The following PASD1 variants were observed in gnomAD, a reference collection of about 807,000 sequenced individuals.
PASD1 encodes the protein circadian clock protein PASD1.
A neutral mutation model predicts 58.8 loss-of-function variants in PASD1; 13 were observed. That is an observed-to-expected ratio of 0.22 (90% confidence interval 0.14 to 0.35). The LOEUF (loss-of-function observed/expected upper bound fraction) is 0.35. PASD1 is among the 10% of genes least tolerant of loss of function. PASD1 has a pLI of 1.00. For missense variants in PASD1, 734 were observed against 568.3 expected (o/e 1.29, Z -2.96); for synonymous variants, 236 against 216.7 (o/e 1.09, Z -0.78).
chrX:151,593,788 T>C (rs948744949), intron 1 of PASD1, among the ~76,000 whole-genome samples: 2 of 111,275 alleles, frequency 1.8e-5, no homozygotes, highest in Non-Finnish European at 3.8e-5. Flanking sequence ...TCAAATGGTA[T>C]TTCTAGTTCT....
chrX:151,595,995 AG>A (rs2013318382), intron 1 of PASD1, among the ~76,000 whole-genome samples: 1 of 111,554 alleles, frequency 9.0e-6, no homozygotes, highest in African/African-American at 3.3e-5. Flanking sequence ...CAAAGATCAC[AG>A]GCATGTGCTA....
chrX:151,595,585 C>T (rs898699433), intron 1 of PASD1, among the ~76,000 whole-genome samples: 1 of 109,257 alleles, frequency 9.2e-6, no homozygotes, highest in African/African-American at 3.3e-5. Context: ...ATGTACCCGG[C>T]GTTGTGGCAG....
At chrX:151,574,129 T>C (rs2012966251) in intron 1 of PASD1, among the ~76,000 whole-genome samples, 1 of 112,361 alleles carries the variant, frequency 8.9e-6, no homozygotes, top group Admixed American at 9.4e-5. Context: ...GGGATCTTCC[T>C]TGAGGTCACA....
At chrX:151,638,115 T>G (rs2124287073) in intron 8 of PASD1, among the ~76,000 whole-genome samples, 1 of 111,588 alleles carries the variant, frequency 9.0e-6, no homozygotes, top group South Asian at 3.8e-4. Context: ...TTTAGCAGCT[T>G]GACTTCCTTG....
intron 9 of PASD1, among the ~76,000 whole-genome samples, chrX:151,653,751 C>CTTTCT (rs2014170593): frequency 1.2e-4 from 2 of 16,955 alleles, no homozygotes; most frequent in East Asian, 1.0e-3. Flanking sequence ...TCTTTCCTTC[C>CTTTCT]TTCTTTCTTT....
chrX:151,635,377 C>G (rs1469772242), intron 8 of PASD1, among the ~76,000 whole-genome samples: 1 of 111,834 alleles, frequency 8.9e-6, no homozygotes, highest in Non-Finnish European at 1.9e-5. Flanking sequence ...GAAACAAATA[C>G]ACATGTACCT....
At chrX:151,565,806 C>T (rs1426174028) in intron 1 of PASD1, among the ~76,000 whole-genome samples, 1 of 111,675 alleles carries the variant, frequency 9.0e-6, no homozygotes, top group Non-Finnish European at 1.9e-5. Context: ...GATCCGCCCG[C>T]CTTCGCCTCC....
chrX:151,635,525 G>A (rs1452528789), intron 8 of PASD1, among the ~76,000 whole-genome samples: 1 of 111,806 alleles, frequency 8.9e-6, no homozygotes, highest in Non-Finnish European at 1.9e-5. Context: ...TCTCATTTCT[G>A]TATTTGCAAC....
intron 15 of PASD1, among the ~76,000 whole-genome samples, chrX:151,675,503 C>T (rs940641600): frequency 1.8e-5 from 2 of 112,368 alleles, no homozygotes; most frequent in Non-Finnish European, 3.8e-5. Context: ...ATCCCTCCTC[C>T]TTAACCAGAA....
At chrX:151,596,904 A>C (rs1003366413) in intron 1 of PASD1, among the ~76,000 whole-genome samples, 1 of 112,238 alleles carries the variant, frequency 8.9e-6, no homozygotes, top group African/African-American at 3.2e-5. Context: ...GTGTGTATTA[A>C]ATTACATCAA....
At chrX:151,653,791 TTTCTTTCTTTCCTTCCTTCCTTCC>T (rs2014178868) in intron 9 of PASD1, among the ~76,000 whole-genome samples, 2 of 16,699 alleles carry the variant, frequency 1.2e-4, no homozygotes, top group African/African-American at 3.0e-4. Context: ...TCTTTCTTTC[TTTCTTTCTTTCCTTCCTTCCTTCC>T]TTCCTTCCTT....
At chrX:151,630,438 G>T (rs5970078) in intron 8 of PASD1, among the ~76,000 whole-genome samples, 3,096 of 112,190 alleles carry the variant, frequency 0.028, 96 homozygotes, top group African/African-American at 0.094. Context: ...TACATTCCGG[G>T]CCATGAGATC....
intron 8 of PASD1, among the ~76,000 whole-genome samples, chrX:151,637,373 TTTTG>T (rs954514717): frequency 8.1e-5 from 9 of 111,510 alleles, no homozygotes; most frequent in African/African-American, 2.3e-4. Flanking sequence ...TTTGTTTGTT[TTTTG>T]TTTGTTTGTT....
Position 151,621,139 on chromosome X carries a change from T to C in PASD1, c.307+110T>C, listed in dbSNP as rs2013702358. On this transcript the variant is annotated intron_variant, in intron 5 of 15. Coordinates refer to ENST00000370357, the MANE Select transcript of PASD1 (RefSeq NM_173493.3). ...TTAGAGCACATACGGCTGTTGATCA[T>C]ATATTAATTTACTTTTATATAATAT... 3 of 439,659 alleles carry C rather than the reference T, an allele frequency of 6.8e-6. No homozygotes were observed. The South Asian group carries it at 1.6e-4, about 23-fold the overall frequency. The allele number at this position is 439,659 out of a possible 1,213,427, so 36.2% of individuals were successfully genotyped here.
intron 15 of PASD1, 109 bp from the exon 16 acceptor site, chrX:151,675,888 G>A: frequency 4.7e-6 from 4 of 855,115 alleles, no homozygotes; most frequent in South Asian, 2.4e-5. Flanking sequence ...TTCCAAAGAA[G>A]TATTTCTCAG....
At position 151,664,487 on chromosome X, in the gene PASD1, C is replaced by CTGT. The variant is rs1224206955; in HGVS notation, c.1071+141_1071+143dup. The CTGT allele has an allele frequency of 4.9e-5, 50 of 1,015,360 alleles. No homozygotes were observed. The African/African-American group carries it at 8.8e-4, about 18-fold the overall frequency. 83.7% of individuals were successfully genotyped at this position (1,015,360 alleles called of 1,213,427 possible). A position where few individuals can be genotyped will look rare whatever the true frequency, so the allele number is the denominator to read the frequency against. ...CTTTTTCAAAACTATATCACTATTT[C>CTGT]TGTTATACTGGATTTTCAGATGCCG... On this transcript the variant is annotated intron_variant, in intron 11 of 15. Coordinates refer to ENST00000370357, the MANE Select transcript of PASD1 (RefSeq NM_173493.3).
chrX:151,655,284 T>C (rs1314082291), intron 9 of PASD1, among the ~76,000 whole-genome samples: 1 of 106,823 alleles, frequency 9.4e-6, no homozygotes, highest in Non-Finnish European at 2.0e-5. Context: ...TCCTAGTCTT[T>C]GCTATTGTGA....
At chrX:151,616,928 A>C (rs929286640) in intron 4 of PASD1, among the ~76,000 whole-genome samples, 2 of 111,347 alleles carry the variant, frequency 1.8e-5, no homozygotes, top group Admixed American at 9.6e-5. Flanking sequence ...ATACAGTTGA[A>C]TAGTTTTCTA....
intron 3 of PASD1, among the ~76,000 whole-genome samples, chrX:151,611,255 G>A (rs1021546223): frequency 3.6e-5 from 4 of 112,092 alleles, no homozygotes; most frequent in Non-Finnish European, 7.5e-5. Flanking sequence ...CAGCAGGAAA[G>A]TGATGGCAAT....
Sources: allele counts gnomAD v4.1 joint callset (sites outside exome capture counted in the v4.1 genomes callset), GRCh38; gene constraint gnomAD v4.1.1; transcripts MANE v1.5; gene names NCBI Gene and HGNC (gene_info 2026-07-23, HGNC 2026-07-21).